KDM4F: variants seen among roughly 807,000 people sequenced by gnomAD.
The protein encoded by KDM4F is probable lysine-specific demethylase 4F.
For synonymous variants in KDM4F, 223 were observed against 184.4 expected, an observed-to-expected ratio of 1.21 and a Z score of -1.70; for missense variants, 586 against 496.4, an observed-to-expected ratio of 1.18 and a Z score of -1.71.
At chr11:95,051,184 C>T (rs1858508490) in exon 1 of KDM4F, 4 of 398,822 alleles carry the variant, frequency 1.0e-5, no homozygotes, top group Non-Finnish European at 1.8e-5. Flanking sequence ...GTTCCGGTCC[C>T]AACTAAGTTT....
At chr11:95,050,553 A>G (rs1858501213) in exon 1 of KDM4F, 1 of 692,462 alleles carries the variant, frequency 1.4e-6, no homozygotes, top group South Asian at 1.5e-5. Context: ...CCGGAACCAC[A>G]TAACCAGCTG....
At chr11:95,050,265 C>A in exon 1 of KDM4F, 1 of 1,528,870 alleles carries the variant, frequency 6.5e-7, no homozygotes, top group Admixed American at 1.7e-5. Context: ...TGGCTTCAAT[C>A]ACGGCTTCAA....
chr11:95,050,656 C>A (rs539012892), exon 1 of KDM4F: 15 of 618,506 alleles, frequency 2.4e-5, no homozygotes, highest in Non-Finnish European at 5.8e-6. Flanking sequence ...GCCCTGGAGA[C>A]GTCAGCCTGG....
At chr11:95,049,432 T>C in exon 1 of KDM4F, 1 of 1,365,220 alleles carries the variant, frequency 7.3e-7, no homozygotes, top group Non-Finnish European at 9.9e-7. Context: ...ATGAAGTCTG[T>C]GCACTCCAGT....
Position 95,049,642 on chromosome 11 carries a change from A to G in KDM4F, c.221A>G (p.Gln74Arg), listed in dbSNP as rs1349866746. 1.8e-5 allele frequency: 29 copies of G among 1,599,146 alleles called. No homozygotes were observed. The Admixed American group carries it at 1.8e-4, about 10-fold the overall frequency. Residue 74 changes from glutamine (Q) to arginine (R), a missense_variant, in exon 1 of 1, where the codon CAG becomes CGG. Physicochemically the swap from Gln to Arg is conservative, Grantham distance 43 (BLOSUM62 1). Coordinates refer to ENST00000545950, the Ensembl canonical transcript of KDM4F. ...ATCTTAATAGCCACTCCCCTCCAGCAGGTGACCTCTGGGCAGGGAGGTGTG... is the reference window on the plus strand; with the variant it reads ...ATCTTAATAGCCACTCCCCTCCAGCGGGTGACCTCTGGGCAGGGAGGTGTG...
exon 1 of KDM4F, chr11:95,050,111 C>G (rs1858496284): frequency 6.3e-7 from 1 of 1,575,782 alleles, no homozygotes; most frequent in Admixed American, 1.7e-5. Flanking sequence ...TCTTCCCAGG[C>G]AATTCCCGGG....
chr11:95,050,467 T>A (rs1858500204), exon 1 of KDM4F: 1 of 752,852 alleles, frequency 1.3e-6, no homozygotes, highest in African/African-American at 1.7e-5. Context: ...GAGCCCAGGG[T>A]TGCAGAAAGC....
exon 1 of KDM4F, chr11:95,049,696 C>G (rs1858491269): frequency 6.2e-7 from 1 of 1,603,416 alleles, no homozygotes; most frequent in African/African-American, 1.3e-5. Flanking sequence ...AAGAAGAAAG[C>G]CATGAGGGTG....
At chr11:95,051,271 T>C (rs1159972976) in exon 1 of KDM4F, 1 of 398,586 alleles carries the variant, frequency 2.5e-6, no homozygotes, top group African/African-American at 2.1e-5. Context: ...TTTGGAGATA[T>C]TTTCCTCCAA....
At chr11:95,049,721 C>T (rs1302747481) in exon 1 of KDM4F, 78 of 1,605,582 alleles carry the variant, frequency 4.9e-5, no homozygotes, top group Non-Finnish European at 6.4e-5. Context: ...AGTATCGCCA[C>T]TTGGCAAACA....
chr11:95,051,109 G>A, exon 1 of KDM4F: 2 of 401,554 alleles, frequency 5.0e-6, no homozygotes, highest in Admixed American at 4.3e-5. Flanking sequence ...GACACTGGTG[G>A]AGACTGGAAA....
At chr11:95,050,388 C>T (rs989817087) in exon 1 of KDM4F, 9 of 920,884 alleles carry the variant, frequency 9.8e-6, no homozygotes, top group South Asian at 5.3e-5. Context: ...TGCCTTCGTG[C>T]GCATCCTGCA....
chr11:95,050,376 G>T lies in KDM4F; in HGVS notation c.955G>T (p.Asp319Tyr). 5.0e-6 allele frequency: 5 copies of T among 993,106 alleles called. No individual in the cohort carries two copies. In the South Asian group the frequency reaches 5.2e-5, roughly 10 times the overall value. 61.5% of individuals were successfully genotyped at this position (993,106 alleles called of 1,614,324 possible). Residue 319 changes from aspartate (D) to tyrosine (Y), a missense_variant, in exon 1 of 1, where the codon GAT (aspartate) becomes TAT (tyrosine). By Grantham distance (160) the Asp-to-Tyr change is radical. Coordinates refer to ENST00000545950, the Ensembl canonical transcript of KDM4F. ...CGAGGCGAGAGTGACCTTTTCCATG[G>T]ATGCCTTCGTGCGCATCCTGCAACC...
chr11:95,049,789 G>A, the KDM4F span: 1 of 1,598,026 alleles, frequency 6.3e-7, no homozygotes. Context: ...CAACGATACT[G>A]GAAGAGCCAC....
exon 1 of KDM4F, chr11:95,050,286 G>C (rs1858498183): frequency 6.9e-7 from 1 of 1,459,362 alleles, no homozygotes. Context: ...CTGCGCAGAG[G>C]CCATCAACTT....
exon 1 of KDM4F, chr11:95,049,627 C>A (rs1858490493): frequency 5.0e-6 from 8 of 1,598,526 alleles, no homozygotes; most frequent in Admixed American, 3.4e-5. Context: ...ATCTTAATAG[C>A]CACTCCCCTC....
At chr11:95,049,658 G>A (rs1858490867) in exon 1 of KDM4F, 3 of 1,599,852 alleles carry the variant, frequency 1.9e-6, no homozygotes. Flanking sequence ...CCTCTGGGCA[G>A]GGAGGTGTGT....
exon 1 of KDM4F, chr11:95,050,460 C>A: frequency 1.3e-6 from 1 of 759,534 alleles, no homozygotes; most frequent in Non-Finnish European, 2.3e-6. Context: ...TTACATGGAG[C>A]CCAGGGTTGC....
exon 1 of KDM4F, chr11:95,049,609 T>C: frequency 6.3e-6 from 10 of 1,599,964 alleles, no homozygotes; most frequent in Non-Finnish European, 8.5e-6. Context: ...TATGATGATA[T>C]TGAAGACATC....
Sources: allele counts gnomAD v4.1 joint callset, GRCh38; gene constraint gnomAD v4.1.1; transcripts MANE v1.5; gene names NCBI Gene and HGNC (gene_info 2026-07-23, HGNC 2026-07-21).